KLRG1: variants seen among roughly 807,000 people sequenced by gnomAD.
KLRG1 encodes the protein killer cell lectin like receptor G1, also known as killer cell lectin-like receptor subfamily G member 1.
Under a neutral mutation model 21.8 loss-of-function variants are expected in KLRG1, and 16 were observed. The observed-to-expected ratio is 0.73, with a 90% CI of 0.50 to 1.11. The LOEUF (loss-of-function observed/expected upper bound fraction) is 1.11. Ranked by LOEUF, KLRG1 falls within the 50% of genes most tolerant of loss-of-function variation. The probability of loss-of-function intolerance (pLI) is 0.00; values close to 1 mark genes in which losing one functional copy is unlikely to be tolerated. For missense variants in KLRG1, 173 were observed against 218.3 expected, an observed-to-expected ratio of 0.79 and a Z score of 1.31; for synonymous variants, 69 against 75.9, an observed-to-expected ratio of 0.91 and a Z score of 0.47.
the KLRG1 span, chr12:9,160,390 A>T: frequency 1.2e-6 from 2 of 1,614,180 alleles, no homozygotes; most frequent in Non-Finnish European, 1.7e-6. Flanking sequence ...AGTTCAAGAC[A>T]TAGATGTTAG....
At chr12:9,196,345 G>A in the KLRG1 span, 8 of 1,609,886 alleles carry the variant, frequency 5.0e-6, no homozygotes, top group South Asian at 7.7e-5. Flanking sequence ...CAAAAAAGGG[G>A]ATTCCTTGTC....
At chr12:9,079,334 G>A in the KLRG1 span, 7 of 1,613,048 alleles carry the variant, frequency 4.3e-6, no homozygotes, top group Non-Finnish European at 5.9e-6. Flanking sequence ...CTGGTAACCT[G>A]GAAAGGAAGA....
At chr12:9,109,426 A>C in the KLRG1 span, 1 of 1,592,794 alleles carries the variant, frequency 6.3e-7, no homozygotes, top group Non-Finnish European at 8.6e-7. Context: ...GTGATAAAGA[A>C]GGTTGGTGAT....
chr12:9,148,975 A>G, the KLRG1 span: 17 of 1,610,810 alleles, frequency 1.1e-5, no homozygotes, highest in South Asian at 1.5e-4. Flanking sequence ...ATGGTCCTCA[A>G]ACATTTCCAT....
At chr12:9,151,521 C>T in the KLRG1 span, 11 of 1,147,884 alleles carry the variant, frequency 9.6e-6, no homozygotes, top group Non-Finnish European at 1.3e-6. Context: ...TTGTTTTCCT[C>T]ATGTTACCGA....
chr12:9,183,220 T>C, the KLRG1 span, among the ~76,000 whole-genome samples: 2 of 152,202 alleles, frequency 1.3e-5, no homozygotes, highest in East Asian at 3.8e-4. Context: ...ACATGAAGAC[T>C]GTAGTTAATA....
chr12:8,952,816 G>A (rs1205544730), intron 1 of KLRG1, among the ~76,000 whole-genome samples: 1 of 152,040 alleles, frequency 6.6e-6, no homozygotes, highest in Admixed American at 6.6e-5. Flanking sequence ...ATTTTATCAC[G>A]TTTCAATAGA....
At chr12:9,118,878 G>A in the KLRG1 span, among the ~76,000 whole-genome samples, 2 of 152,176 alleles carry the variant, frequency 1.3e-5, no homozygotes, top group East Asian at 1.9e-4. Context: ...TGATGCCATG[G>A]AAATGGATGA....
intron 1 of KLRG1, among the ~76,000 whole-genome samples, chr12:8,975,520 T>C (rs1049093627): frequency 6.6e-6 from 1 of 152,156 alleles, no homozygotes; most frequent in Non-Finnish European, 1.5e-5. Context: ...TCTTCATTCA[T>C]TTTTTATTTT....
At chr12:9,032,839 A>G in the KLRG1 span, among the ~76,000 whole-genome samples, 1 of 152,194 alleles carries the variant, frequency 6.6e-6, no homozygotes, top group South Asian at 2.1e-4. Flanking sequence ...AGGCCAATTC[A>G]GTGCATGAAG....
intron 3 of KLRG1, among the ~76,000 whole-genome samples, chr12:9,004,463 T>A (rs963303035): frequency 6.6e-6 from 1 of 152,192 alleles, no homozygotes; most frequent in African/African-American, 2.4e-5. Context: ...TATAGATACT[T>A]ATTAAACATA....
the KLRG1 span, chr12:9,074,410 T>C: frequency 1.3e-6 from 1 of 783,076 alleles, no homozygotes; most frequent in African/African-American, 1.8e-5. Context: ...TGATTTGCTT[T>C]TATTTCCATT....
At chr12:9,195,195 G>A in the KLRG1 span, among the ~76,000 whole-genome samples, 1 of 151,886 alleles carries the variant, frequency 6.6e-6, no homozygotes, top group Non-Finnish European at 1.5e-5. Flanking sequence ...ATAATCACAT[G>A]TACTCCCCAA....
chr12:8,998,126 C>T (rs755161795), intron 3 of KLRG1, among the ~76,000 whole-genome samples: 9 of 151,988 alleles, frequency 5.9e-5, no homozygotes, highest in African/African-American at 1.7e-4. Context: ...GTCAGGCGTT[C>T]GAGACCAGCC....
chr12:9,098,619 G>C, the KLRG1 span: 27 of 1,604,268 alleles, frequency 1.7e-5, 1 homozygote, highest in South Asian at 2.9e-4. Flanking sequence ...AGGACGCCGA[G>C]AGCTCAGCAT....
the KLRG1 span, among the ~76,000 whole-genome samples, chr12:9,123,598 G>T: frequency 6.6e-6 from 1 of 152,174 alleles, no homozygotes; most frequent in Admixed American, 6.5e-5. Context: ...TTTATTTCTG[G>T]AATTTTCCAT....
At chr12:9,160,250 C>A in the KLRG1 span, 9 of 1,431,122 alleles carry the variant, frequency 6.3e-6, no homozygotes, top group Non-Finnish European at 8.6e-6. Context: ...GATGATATAA[C>A]TGAAGCTTAA....
intron 1 of KLRG1, among the ~76,000 whole-genome samples, chr12:8,960,282 A>G (rs1946361570): frequency 6.6e-6 from 1 of 152,168 alleles, no homozygotes; most frequent in Admixed American, 6.5e-5. Flanking sequence ...AGACTAAGGC[A>G]AAGACTAAGA....
chr12:9,112,611 C>T, the KLRG1 span: 3 of 1,525,486 alleles, frequency 2.0e-6, no homozygotes, highest in Admixed American at 3.5e-5. Context: ...TTGCACTCTT[C>T]CCTGGAGATC....
Sources: gnomAD v4.1 joint callset for allele counts (sites outside exome capture counted in the v4.1 genomes callset) on GRCh38, gnomAD v4.1.1 for gene constraint, MANE v1.5 for transcripts, NCBI Gene and HGNC (gene_info 2026-07-23, HGNC 2026-07-21) for gene names.